The following KIRREL3 variants were observed in gnomAD, a reference collection of about 807,000 sequenced individuals.
KIRREL3 encodes the protein kin of IRRE-like protein 3.
A neutral mutation model predicts 89.7 loss-of-function variants in KIRREL3; 36 were observed. That is an observed-to-expected ratio of 0.40 (90% CI 0.31 to 0.53). KIRREL3 has a LOEUF of 0.53. Among genes scored for constraint, KIRREL3 ranks in the 20% least tolerant of loss-of-function variants. The pLI is 0.49. For missense variants in KIRREL3, 864 were observed against 1,056.6 expected (o/e 0.82, Z 2.53); for synonymous variants, 445 against 441.4 (o/e 1.01, Z -0.10).
chr11:126,513,831 A>G lies in KIRREL3; in HGVS notation c.433+7484T>C, dbSNP rs1349064455. 6.6e-6 allele frequency among the ~76,000 whole-genome samples: 1 copy of G among 152,140 alleles called. No homozygotes were observed. The highest frequency in any genetic ancestry group is 2.4e-5 in the African/African-American group (1 of 41,432). On this transcript the variant is annotated intron_variant, in intron 4 of 16. Transcript: ENST00000525144. The surrounding 1 kb of genome is among the most constrained non-coding windows in gnomAD (Gnocchi z 5.9). The stretch of plus-strand genomic sequence containing the variant: ...GACCTTCTATCTCATCTGGCCCCCA[A>G]CAGCAACTACTCAGCGTGGCATTAT...
chr11:126,749,935 G>A (rs80280776), intron 1 of KIRREL3, among the ~76,000 whole-genome samples: 10,985 of 152,168 alleles, frequency 0.072, 493 homozygotes, highest in Non-Finnish European at 0.1. Context: ...AAACCAGTGC[G>A]CGTTTTGATG....
chr11:126,543,686 A>G (rs573511712), intron 2 of KIRREL3, among the ~76,000 whole-genome samples: 1 of 152,306 alleles, frequency 6.6e-6, no homozygotes, highest in South Asian at 2.1e-4. Flanking sequence ...CCCTTCCTGA[A>G]GACCACGGAA....
rs1365478466 is a variant in KIRREL3 at position 126,565,399 on chromosome 11, G to C, written c.56-2487C>G. ...TTTTTGCAAATGAGCAGGAAAAGAA[G>C]TTTTAAAAAACCTGATTAATAAAAG... is the stretch of plus-strand genomic sequence containing the variant. On this transcript the variant is annotated intron_variant, in intron 1 of 16. Coordinates refer to ENST00000525144, the MANE Select transcript of KIRREL3 (RefSeq NM_032531.4). This position sits in a 1 kb window ranked among gnomAD's most constrained non-coding sequence, Gnocchi z 5.4. Among the ~76,000 whole-genome samples the C allele has an allele frequency of 2.0e-5, 3 of 152,106 alleles. No individual in the cohort carries two copies. The highest frequency in any genetic ancestry group is 7.2e-5 in the African/African-American group (3 of 41,398).
At chr11:126,762,075 T>C (rs1264459019) in intron 1 of KIRREL3, among the ~76,000 whole-genome samples, 1 of 152,102 alleles carries the variant, frequency 6.6e-6, no homozygotes, top group African/African-American at 2.4e-5. Context: ...CAGTTGCATG[T>C]TGAGGCATGA....
intron 2 of KIRREL3, among the ~76,000 whole-genome samples, chr11:126,556,151 C>T (rs1939690279): frequency 6.6e-6 from 1 of 152,106 alleles, no homozygotes; most frequent in South Asian, 2.1e-4. Flanking sequence ...ACGACCTGGG[C>T]ATGGGGATTG....
intron 1 of KIRREL3, among the ~76,000 whole-genome samples, chr11:126,712,438 T>G (rs1445372204): frequency 6.6e-6 from 1 of 152,216 alleles, no homozygotes. Context: ...GCCACGCCTC[T>G]TCAATCTGGG....
At chr11:126,597,425 CGA>C (rs1942451298) in intron 1 of KIRREL3, among the ~76,000 whole-genome samples, 1 of 152,192 alleles carries the variant, frequency 6.6e-6, no homozygotes, top group Admixed American at 6.5e-5. Flanking sequence ...AGGTCACTGA[CGA>C]CACCATCTTC....
At position 126,739,511 on chromosome 11, in the gene KIRREL3, G is replaced by T. The variant is rs1948910803; in HGVS notation, c.56-176599C>A. Among the ~76,000 whole-genome samples, 1 of 152,216 alleles carries T rather than the reference G, an allele frequency of 6.6e-6. No homozygotes were observed. Among genetic ancestry groups the T allele is most frequent in the Non-Finnish European group, 1.5e-5 (1 of 68,044 alleles). ...GCAGGTAGCGTCATGTGCCCTACCT[G>T]GGTCTTAAGGAATGATGAGATCCAG... On this transcript the variant is annotated intron_variant, in intron 1 of 16. Transcript: ENST00000525144. This position sits in a 1 kb window ranked among gnomAD's most constrained non-coding sequence, Gnocchi z 5.5.
chr11:126,690,358 AG>A (rs201177015), intron 1 of KIRREL3, among the ~76,000 whole-genome samples: 1,492 of 124,864 alleles, frequency 0.012, 22 homozygotes, highest in East Asian at 0.069. Context: ...AGTTCTAAGC[AG>A]GGGTTTTTTT....
rs1940789418 is a variant in KIRREL3, at chr11:126,569,818, C to T, written c.56-6906G>A. Among the ~76,000 whole-genome samples the T allele has an allele frequency of 6.6e-6, 1 of 152,148 alleles. No individual in the cohort carries two copies. On this transcript the variant is annotated intron_variant, in intron 1 of 16. Transcript: ENST00000525144. The surrounding 1 kb of genome is among the most constrained non-coding windows in gnomAD (Gnocchi z 6.5). ...TTTGGATGTCTACCAATGGCCCTCTCATTGGTTTTTGTCTATCAATAGCCA... is the reference window on the plus strand; with the variant it reads ...TTTGGATGTCTACCAATGGCCCTCTTATTGGTTTTTGTCTATCAATAGCCA...
At position 126,473,357 on chromosome 11, in the gene KIRREL3, G is replaced by T. The variant is rs961471732; in HGVS notation, c.543C>A (p.Ile181=). 4 of 1,546,406 alleles carry T rather than the reference G, an allele frequency of 2.6e-6. No individual in the cohort carries two copies. Among genetic ancestry groups the T allele is most frequent in the Non-Finnish European group, 3.5e-6 (4 of 1,147,356 alleles). The change falls in exon 5 of 17, where the codon ATC becomes ATA. Residue 181 remains isoleucine, a synonymous_variant. Coordinates refer to ENST00000525144, the MANE Select transcript of KIRREL3 (RefSeq NM_032531.4). ...HADNAKPAAS[I]IWLRKGEVIN... ...TGACCTCTCCCTTTCGCAACCAGAT[G>T]ATGGAGGCTGCAGGCTTGGCATTGT...
intron 1 of KIRREL3, among the ~76,000 whole-genome samples, chr11:126,910,783 G>A (rs572937884): frequency 6.6e-6 from 1 of 152,292 alleles, no homozygotes; most frequent in Admixed American, 6.5e-5. Flanking sequence ...ATATAATGCA[G>A]TAAACTCCCA....
In KIRREL3 at chr11:126,475,681, C is replaced by T. The variant is rs1391827038; in HGVS notation, c.434-2215G>A. 6.6e-6 allele frequency among the ~76,000 whole-genome samples: 1 copy of T among 152,228 alleles called. No homozygotes were observed. The highest frequency in any genetic ancestry group is 1.9e-4 in the East Asian group (1 of 5,188). ...TGGGATGGATGGAGAAGACGACCCC[C>T]CAGCCGCCCACCCCACACCCTTTCA... On this transcript the variant is annotated intron_variant, in intron 4 of 16. Coordinates refer to ENST00000525144, the MANE Select transcript of KIRREL3 (RefSeq NM_032531.4). The surrounding 1 kb of genome is among the most constrained non-coding windows in gnomAD (Gnocchi z 7.5).
intron 1 of KIRREL3, among the ~76,000 whole-genome samples, chr11:126,919,683 G>A (rs1947190603): frequency 6.6e-6 from 1 of 152,204 alleles, no homozygotes; most frequent in Non-Finnish European, 1.5e-5. Context: ...ACACAGTTGA[G>A]GTCTTTGTGG....
rs138845594 is a variant in KIRREL3, at chr11:126,521,130, G to A, written c.433+185C>T. 6.6e-6 allele frequency among the ~76,000 whole-genome samples: 1 copy of A among 152,236 alleles called. No individual in the cohort carries two copies. Among genetic ancestry groups the A allele is most frequent in the Non-Finnish European group, 1.5e-5 (1 of 68,042 alleles). Reference sequence around the variant, plus strand: ...GGCTGTCTGGTTTACTAGGGAAAGAGCCTTCGCTTGTCCCGTTTGGGTGGG... The same window carrying A: ...GGCTGTCTGGTTTACTAGGGAAAGAACCTTCGCTTGTCCCGTTTGGGTGGG... On this transcript the variant is annotated intron_variant, in intron 4 of 16. Transcript: ENST00000525144. This position sits in a 1 kb window ranked among gnomAD's most constrained non-coding sequence, Gnocchi z 4.1.
Position 126,568,421 on chromosome 11 carries a change from G to A in KIRREL3, c.56-5509C>T, listed in dbSNP as rs147082956. 6.3e-3 allele frequency among the ~76,000 whole-genome samples: 961 copies of A among 152,336 alleles called. 6 individuals are homozygous for A. The highest frequency in any genetic ancestry group is 0.027 in the Middle Eastern group (8 of 294). ...AAGATGGCCAGAGATCAGAAAGCAAGGGAAGGACCCTCAGTTTTATCCTGA... is the reference window on the plus strand; with the variant it reads ...AAGATGGCCAGAGATCAGAAAGCAAAGGAAGGACCCTCAGTTTTATCCTGA... On this transcript the variant is annotated intron_variant, in intron 1 of 16. Transcript: ENST00000525144. The surrounding 1 kb of genome is among the most constrained non-coding windows in gnomAD (Gnocchi z 4.6).
intron 4 of KIRREL3, among the ~76,000 whole-genome samples, chr11:126,500,008 A>C (rs1330818379): frequency 1.3e-5 from 2 of 152,204 alleles, no homozygotes; most frequent in Non-Finnish European, 2.9e-5. Flanking sequence ...CATTTAATAA[A>C]GATGTGAAGG....
rs139904303 is a variant in KIRREL3 at position 126,523,879 on chromosome 11, C to G, written c.284-2415G>C. ...TATCAGCAGCAGGATTTTGCTCTCA[C>G]GAGCTGCTGAAAACATCAGTGATGG... On this transcript the variant is annotated intron_variant, in intron 3 of 16. Transcript: ENST00000525144. The surrounding 1 kb of genome is among the most constrained non-coding windows in gnomAD (Gnocchi z 4.9). Among the ~76,000 whole-genome samples the G allele has an allele frequency of 0.013, 1,920 of 152,254 alleles. 20 individuals carry two copies. Among genetic ancestry groups the G allele is most frequent in the South Asian group, 0.022 (108 of 4,832 alleles).
intron 1 of KIRREL3, among the ~76,000 whole-genome samples, chr11:126,591,875 G>A (rs543192356): frequency 2.6e-5 from 4 of 152,294 alleles, no homozygotes; most frequent in South Asian, 2.1e-4. Flanking sequence ...GGAAGTCCTG[G>A]CAGGGGGAAA....
Sources: allele counts gnomAD v4.1 joint callset (sites outside exome capture counted in the v4.1 genomes callset), GRCh38; gene constraint gnomAD v4.1.1; non-coding constraint Gnocchi (gnomAD v3.1); transcripts MANE v1.5; gene names NCBI Gene and HGNC (gene_info 2026-07-23, HGNC 2026-07-21).